The following ATP7A variants were observed in gnomAD, a reference collection of about 807,000 sequenced individuals.
The protein encoded by ATP7A is copper-transporting ATPase 1.
Under a neutral mutation model 83.5 loss-of-function variants are expected in ATP7A, and 7 were observed. The ratio of observed to expected loss-of-function variants is 0.08; its 90% confidence interval spans 0.05 to 0.16. The LOEUF is 0.16. Ranked by LOEUF, ATP7A falls within the 10% of genes least tolerant of loss-of-function variation. The pLI is 1.00. For synonymous variants in ATP7A, 354 were observed against 395.2 expected (o/e 0.90, Z 1.24); for missense variants, 940 against 1,120.8 (o/e 0.84, Z 2.30).
chrX:77,992,705 G>A lies in ATP7A; in HGVS notation c.1336+2747G>A, dbSNP rs187086376. On this transcript the variant is annotated intron_variant, in intron 4 of 22. Coordinates refer to ENST00000341514, the MANE Select transcript of ATP7A (RefSeq NM_000052.7). ...CGGCTCACTGCAACCTCTGTGCCCCGGGTTCAAGCAATTCTCCTGCCTCAG... is the reference window on the plus strand; with the variant it reads ...CGGCTCACTGCAACCTCTGTGCCCCAGGTTCAAGCAATTCTCCTGCCTCAG... Among the ~76,000 whole-genome samples, 360 of 109,888 alleles carry A rather than the reference G, an allele frequency of 3.3e-3. 6 individuals are homozygous for A. In the South Asian group the frequency reaches 0.049, roughly 15 times the overall value.
At chrX:78,002,614 AAG>A (rs1184137476) in intron 5 of ATP7A, among the ~76,000 whole-genome samples, 1 of 111,188 alleles carries the variant, frequency 9.0e-6, no homozygotes, top group East Asian at 2.8e-4. Flanking sequence ...GTTTTTTAAA[AAG>A]AGTCTATTTT....
chrX:77,965,003 A>C (rs1279461641), intron 1 of ATP7A: 1 of 118,062 alleles, frequency 8.5e-6, no homozygotes. Flanking sequence ...ACTGTCTTCC[A>C]CAATGGTTGA....
chrX:77,948,939 T>G (rs1438428573), intron 1 of ATP7A, among the ~76,000 whole-genome samples: 2 of 111,356 alleles, frequency 1.8e-5, no homozygotes, highest in Admixed American at 1.9e-4. Context: ...TCGCCCAGGC[T>G]GGAGTACAGT....
chrX:77,982,743 C>T, intron 2 of ATP7A, among the ~76,000 whole-genome samples: 1 of 111,758 alleles, frequency 8.9e-6, no homozygotes, highest in Non-Finnish European at 1.9e-5. Context: ...TTACATACAC[C>T]TGCATTTGAA....
intron 17 of ATP7A, among the ~76,000 whole-genome samples, chrX:78,036,324 A>T (rs946305671): frequency 2.7e-5 from 3 of 111,092 alleles, no homozygotes; most frequent in African/African-American, 9.8e-5. Context: ...TTGAACGAAG[A>T]TCTGAGGGGA....
intron 7 of ATP7A, among the ~76,000 whole-genome samples, chrX:78,009,873 A>G (rs1177196757): frequency 8.9e-6 from 1 of 112,333 alleles, no homozygotes; most frequent in East Asian, 2.8e-4. Flanking sequence ...AGGTAGGAGG[A>G]TTGCTTAAGT....
intron 5 of ATP7A, among the ~76,000 whole-genome samples, chrX:78,002,709 C>T (rs1230582695): frequency 1.9e-5 from 2 of 107,425 alleles, no homozygotes; most frequent in African/African-American, 6.8e-5. Context: ...TAGAGAGCAG[C>T]GAGTGGAGGG....
At chrX:77,924,463 A>T (rs1178048164) in intron 1 of ATP7A, 1 of 111,478 alleles carries the variant, frequency 9.0e-6, no homozygotes, top group Admixed American at 9.6e-5. Flanking sequence ...CAAGGGTGTG[A>T]AATGATATGG....
intron 2 of ATP7A, among the ~76,000 whole-genome samples, chrX:77,978,771 T>C (rs1557230595): frequency 8.9e-6 from 1 of 111,908 alleles, no homozygotes. Context: ...ATAAAAATGT[T>C]ATTGTTATGG....
intron 15 of ATP7A, 72 bp from the exon 16 acceptor site, chrX:78,031,328 C>G: frequency 9.7e-7 from 1 of 1,030,905 alleles, no homozygotes; most frequent in Non-Finnish European, 1.4e-6. Context: ...TTTGTCAAAA[C>G]AGACCTTTTT....
At chrX:78,016,115 G>A (rs1391839318) in intron 12 of ATP7A, among the ~76,000 whole-genome samples, 1 of 111,701 alleles carries the variant, frequency 9.0e-6, no homozygotes, top group Admixed American at 9.5e-5. Flanking sequence ...AAAGCCAAGA[G>A]ATTTAATTGA....
intron 1 of ATP7A, among the ~76,000 whole-genome samples, chrX:77,945,066 G>A (rs1363981438): frequency 1.8e-5 from 2 of 111,208 alleles, no homozygotes; most frequent in South Asian, 7.6e-4. Context: ...GGCCAGGCTG[G>A]TCTTGAATTC....
rs1199532327 is a variant in ATP7A at position 78,041,108 on chromosome X, C to T, written c.3801+375C>T. Among the ~76,000 whole-genome samples, 3 of 110,879 alleles carry T rather than the reference C, an allele frequency of 2.7e-5. No individual in the cohort carries two copies. The Admixed American group carries it at 2.9e-4, about 11-fold the overall frequency. ...TCCCTCTCTAGTCCATCCTAAATACCACCACCAATGGAACTATTTTCCTAA... is the reference window on the plus strand; with the variant it reads ...TCCCTCTCTAGTCCATCCTAAATACTACCACCAATGGAACTATTTTCCTAA... On this transcript the variant is annotated intron_variant, in intron 19 of 22. Transcript: ENST00000341514.
At chrX:77,994,724 T>A (rs2077691226) in intron 4 of ATP7A, among the ~76,000 whole-genome samples, 1 of 110,902 alleles carries the variant, frequency 9.0e-6, no homozygotes, top group Non-Finnish European at 1.9e-5. Flanking sequence ...CTATTTTTTG[T>A]AGAGATGGAG....
intron 4 of ATP7A, among the ~76,000 whole-genome samples, chrX:77,996,754 A>G (rs1216281944): frequency 2.8e-5 from 3 of 106,488 alleles, no homozygotes; most frequent in African/African-American, 1.0e-4. Flanking sequence ...CTCTGGAACA[A>G]CAGGTAAAGT....
At chrX:77,970,657 A>AT (rs782463506) in intron 1 of ATP7A, among the ~76,000 whole-genome samples, 16 of 111,753 alleles carry the variant, frequency 1.4e-4, no homozygotes, top group Admixed American at 1.4e-3. Context: ...GCGAGACAGA[A>AT]TTGAGTCTCA....
intron 1 of ATP7A, among the ~76,000 whole-genome samples, chrX:77,938,732 C>T (rs915759921): frequency 8.9e-5 from 10 of 112,180 alleles, no homozygotes; most frequent in Non-Finnish European, 1.5e-4. Flanking sequence ...CTTCACAATG[C>T]ACAGCACAGA....
chrX:78,004,256 A>G (rs2077758815), intron 6 of ATP7A, among the ~76,000 whole-genome samples: 1 of 112,189 alleles, frequency 8.9e-6, no homozygotes, highest in South Asian at 3.7e-4. Flanking sequence ...ATAAACACCT[A>G]GAGAAAGGAC....
chrX:77,975,248 C>T lies in ATP7A; in HGVS notation c.120+3487C>T, dbSNP rs781803247. 1.4e-3 allele frequency among the ~76,000 whole-genome samples: 151 copies of T among 110,505 alleles called. 1 individual carries two copies. Among genetic ancestry groups the T allele is most frequent in the African/African-American group, 4.7e-3 (144 of 30,464 alleles). ...TGGCCACCCCCTGCCACCACCCCTG[C>T]CCGCCCCTTTCCCTTGTCACTCTTC... On this transcript the variant is annotated intron_variant, in intron 2 of 22. Coordinates refer to ENST00000341514, the MANE Select transcript of ATP7A (RefSeq NM_000052.7).
Sources: allele counts gnomAD v4.1 joint callset (sites outside exome capture counted in the v4.1 genomes callset), GRCh38; gene constraint gnomAD v4.1.1; transcripts MANE v1.5; gene names NCBI Gene and HGNC (gene_info 2026-07-23, HGNC 2026-07-21).